RC3H2: variants seen among roughly 807,000 people sequenced by gnomAD.
RC3H2 encodes roquin-2.
RC3H2 carries 31 observed loss-of-function variants against 133.3 expected under a neutral mutation model. That is an observed-to-expected ratio of 0.23 (90% CI 0.17 to 0.31). The LOEUF is 0.31. Ranked by LOEUF, RC3H2 falls within the 10% of genes least tolerant of loss-of-function variation. RC3H2 has a pLI of 1.00. For synonymous variants in RC3H2, 517 were observed against 502.2 expected (o/e 1.03, Z -0.40); for missense variants, 1,175 against 1,437.2 (o/e 0.82, Z 2.95).
Position 122,855,224 on chromosome 9 carries a change from A to C in RC3H2, c.2775T>G (p.Thr925=). The stretch of plus-strand genomic sequence containing the variant: ...GCTTAGTCGCACTTCCTTGGGAAGC[A>C]GTGGCCTGGACAGGATCTGTGGTAT... ...GYHTTDPVQA[T]ASQGSATKPI... Residue 925 remains threonine (T), a synonymous_variant, in exon 15 of 21, where the codon ACT becomes ACG. Transcript: ENST00000357244. The C allele has an allele frequency of 6.2e-7, 1 of 1,614,150 alleles. No homozygotes were observed.
chr9:122,856,291 G>C (rs1046420598), intron 13 of RC3H2, among the ~76,000 whole-genome samples: 3 of 152,094 alleles, frequency 2.0e-5, no homozygotes, highest in Non-Finnish European at 2.9e-5. Flanking sequence ...CACTCCCACC[G>C]CCCAGGCTAA....
At chr9:122,855,532 A>C (rs2131387470) in intron 14 of RC3H2, 135 bp from the exon 15 acceptor site, 2 of 947,896 alleles carry the variant, frequency 2.1e-6, no homozygotes. Context: ...ATAATCCAAC[A>C]AACTACCAGT....
chr9:122,849,207 G>T lies in RC3H2; in HGVS notation c.*420C>A, dbSNP rs1324969845. 1 of 152,090 alleles carries T rather than the reference G, an allele frequency of 6.6e-6. No individual in the cohort carries two copies. Among genetic ancestry groups the T allele is most frequent in the African/African-American group, 2.4e-5 (1 of 41,442 alleles). 9.4% of individuals were successfully genotyped at this position (152,090 alleles called of 1,614,324 possible). A position where few individuals can be genotyped will look rare whatever the true frequency, so the allele number is the denominator to read the frequency against. ...ACTTCTCTCAGTGAAACATAAAATA[G>T]AAATAAATAAGTTAACTAAGTCTAC... is the stretch of plus-strand genomic sequence containing the variant. On this transcript the variant is annotated 3_prime_UTR_variant, in exon 21 of 21. Transcript: ENST00000357244.
At chr9:122,893,970 T>C (rs1275107022) in intron 2 of RC3H2, among the ~76,000 whole-genome samples, 2 of 152,028 alleles carry the variant, frequency 1.3e-5, no homozygotes. Context: ...GCTATAAAAG[T>C]TCAATACAGG....
intron 9 of RC3H2, among the ~76,000 whole-genome samples, chr9:122,871,707 GT>G (rs561855375): frequency 1.3e-5 from 2 of 149,574 alleles, no homozygotes; most frequent in East Asian, 2.0e-4. Flanking sequence ...TCTCCTTTGT[GT>G]TTTTTTTTCA....
intron 9 of RC3H2, among the ~76,000 whole-genome samples, chr9:122,867,783 C>T (rs1830779076): frequency 1.9e-5 from 2 of 106,700 alleles, no homozygotes; most frequent in South Asian, 6.4e-4. Context: ...AGACCCTCCG[C>T]CCGGCAACCG....
intron 14 of RC3H2, 86 bp from the exon 15 acceptor site, chr9:122,855,483 G>T: frequency 7.7e-7 from 1 of 1,293,832 alleles, no homozygotes; most frequent in African/African-American, 1.5e-5. Flanking sequence ...CATGTAATTA[G>T]GTTTTTTGGT....
rs1332283152 is a variant in RC3H2, at chr9:122,859,901, G to T, written c.1849+16C>A. 1.9e-6 allele frequency: 3 copies of T among 1,562,378 alleles called. No homozygotes were observed. In the South Asian group the frequency reaches 3.4e-5, roughly 17 times the overall value. On this transcript the variant is annotated intron_variant, in intron 11 of 20. Transcript: ENST00000357244. Reference sequence around the variant, plus strand: ...CAATGTTTCTTTTTTTCTTAGAATTGTCTAAAATTACTCACCTGTCTGTGG... The same window carrying T: ...CAATGTTTCTTTTTTTCTTAGAATTTTCTAAAATTACTCACCTGTCTGTGG...
Position 122,858,724 on chromosome 9 carries a change from T to A in RC3H2, c.2228A>T (p.Tyr743Phe). 1 of 1,613,968 alleles carries A rather than the reference T, an allele frequency of 6.2e-7. No homozygotes were observed. Among genetic ancestry groups the A allele is most frequent in the Non-Finnish European group, 8.5e-7 (1 of 1,180,004 alleles). ...ACTTGGTGGCTGACAAGCCACCGAATAATATCCATCTAATGAGTTATATCT... is the reference window on the plus strand; with the variant it reads ...ACTTGGTGGCTGACAAGCCACCGAAAAATATCCATCTAATGAGTTATATCT... ...RERYNSLDGY[Y>F]SVACQPPSEP... Residue 743 changes from tyrosine (Y) to phenylalanine (F), a missense_variant, in exon 12 of 21, where the codon TAT becomes TTT. This residue lies in a region of RC3H2 where 490 missense variants were observed against 492.8 expected (regional missense o/e 0.99). Transcript: ENST00000357244.
intron 20 of RC3H2, 118 bp from the exon 21 acceptor site, chr9:122,849,940 T>C (rs910772702): frequency 5.4e-6 from 3 of 555,728 alleles, no homozygotes; most frequent in East Asian, 6.7e-5. Context: ...CAAAGACATG[T>C]CTTTATCACT....
chr9:122,855,904 C>G (rs1278990218), intron 13 of RC3H2, 26 bp from the exon 14 acceptor site: 2 of 1,578,132 alleles, frequency 1.3e-6, no homozygotes, highest in Admixed American at 3.7e-5. Flanking sequence ...TAAATAAAGC[C>G]AATTAGTAAG....
chr9:122,901,384 AC>A (rs888531821), intron 1 of RC3H2, among the ~76,000 whole-genome samples: 34 of 152,300 alleles, frequency 2.2e-4, no homozygotes, highest in African/African-American at 7.9e-4. Flanking sequence ...ACAAGTAAAA[AC>A]CAAAACAGCA....
intron 1 of RC3H2, among the ~76,000 whole-genome samples, chr9:122,904,199 CG>C (rs747901733): frequency 6.6e-6 from 1 of 151,922 alleles, no homozygotes; most frequent in Non-Finnish European, 1.5e-5. Context: ...AAAGGAAGGC[CG>C]TGGGTAAGGG....
chr9:122,850,630 GAC>G, intron 20 of RC3H2, among the ~76,000 whole-genome samples: 1 of 151,792 alleles, frequency 6.6e-6, no homozygotes, highest in South Asian at 2.1e-4. Flanking sequence ...TTTTTGTAGA[GAC>G]AGGGTTTCAC....
Position 122,879,783 on chromosome 9 carries a change from T to C in RC3H2, c.1184A>G (p.Tyr395Cys). The C allele has an allele frequency of 1.9e-6, 3 of 1,612,946 alleles. No homozygotes were observed. Among genetic ancestry groups the C allele is most frequent in the Non-Finnish European group, 2.5e-6 (3 of 1,179,366 alleles). ...AGGGGTCTCATGGCCTTTTCTACTA[T>C]AATTTTGTATGAAGTCCACAAGGCC... Reference protein sequence around the residue: ...VHGLVDFIQNYSRKGHETPQP... With the variant: ...VHGLVDFIQNCSRKGHETPQP... Residue 395 changes from tyrosine (Y) to cysteine (C), a missense_variant, in exon 8 of 21, where the codon TAT becomes TGT. Coordinates refer to ENST00000357244, the MANE Select transcript of RC3H2 (RefSeq NM_001100588.3).
At chr9:122,850,292 CA>C (rs1435095958) in intron 20 of RC3H2, among the ~76,000 whole-genome samples, 5 of 151,614 alleles carry the variant, frequency 3.3e-5, no homozygotes, top group African/African-American at 1.2e-4. Flanking sequence ...TCCTGTTTTC[CA>C]AAAGTTATGA....
chr9:122,901,249 G>A (rs1309717666), intron 1 of RC3H2, among the ~76,000 whole-genome samples: 3 of 152,054 alleles, frequency 2.0e-5, no homozygotes. Flanking sequence ...ACCTATGTGA[G>A]GAATATAAGC....
chr9:122,860,813 T>A (rs1830428395), intron 10 of RC3H2, among the ~76,000 whole-genome samples: 1 of 152,060 alleles, frequency 6.6e-6, no homozygotes, highest in Admixed American at 6.5e-5. Context: ...TATAGTCCAT[T>A]AGTGGAACTA....
At chr9:122,901,124 G>C (rs566191631) in intron 1 of RC3H2, among the ~76,000 whole-genome samples, 2 of 152,244 alleles carry the variant, frequency 1.3e-5, no homozygotes, top group African/African-American at 4.8e-5. Context: ...CCAGAATAAA[G>C]TTTATGCTTC....
Sources: gnomAD v4.1 joint callset for allele counts (sites outside exome capture counted in the v4.1 genomes callset) on GRCh38, gnomAD v4.1.1 for gene constraint, gnomAD v4.1.1 regional missense constraint, MANE v1.5 for transcripts, NCBI Gene and HGNC (gene_info 2026-07-23, HGNC 2026-07-21) for gene names.